The following GFPT1 variants were observed in gnomAD, a reference collection of about 807,000 sequenced individuals.
The protein encoded by GFPT1 is glutamine--fructose-6-phosphate transaminase 1.
A neutral mutation model predicts 92.0 loss-of-function variants in GFPT1; 40 were observed. That is an observed-to-expected ratio of 0.43 (90% CI 0.34 to 0.57). GFPT1 has a LOEUF of 0.57. Among genes scored for constraint, GFPT1 ranks in the 20% least tolerant of loss-of-function variants. GFPT1 has a pLI of 0.02. For missense variants in GFPT1, 448 were observed against 869.1 expected (o/e 0.52, Z 6.09); for synonymous variants, 269 against 280.6 (o/e 0.96, Z 0.41).
intron 2 of GFPT1, among the ~76,000 whole-genome samples, chr2:69,370,550 G>A (rs756523004): frequency 3.9e-5 from 6 of 152,186 alleles, no homozygotes; most frequent in East Asian, 1.9e-4. Context: ...GGAAAACACT[G>A]TCCTTTAAGC....
intron 18 of GFPT1, among the ~76,000 whole-genome samples, chr2:69,327,828 C>A (rs1448464704): frequency 6.6e-6 from 1 of 152,050 alleles, no homozygotes; most frequent in Non-Finnish European, 1.5e-5. Context: ...CTGGGCCAGG[C>A]GGGGTGGCTC....
chr2:69,370,465 A>G (rs1671719193), intron 2 of GFPT1, among the ~76,000 whole-genome samples: 1 of 152,242 alleles, frequency 6.6e-6, no homozygotes, highest in Admixed American at 6.5e-5. Context: ...CTAAGGAAAG[A>G]AGGTCACAGA....
chr2:69,371,218 G>A (rs1193426073), intron 2 of GFPT1: 1 of 150,512 alleles, frequency 6.6e-6, no homozygotes, highest in Non-Finnish European at 1.5e-5. Flanking sequence ...TGGGATCACA[G>A]GTGCACACCA....
chr2:69,349,898 C>A (rs1671166518), intron 10 of GFPT1, among the ~76,000 whole-genome samples, 180 bp downstream of exon 10: 1 of 152,196 alleles, frequency 6.6e-6, no homozygotes. Context: ...GACCCACATA[C>A]TTTGAAATGA....
chr2:69,328,217 T>C (rs1203925968), intron 18 of GFPT1, 54 bp downstream of exon 18: 11 of 1,312,262 alleles, frequency 8.4e-6, no homozygotes, highest in Non-Finnish European at 1.2e-5. Context: ...TCAAATAAGC[T>C]AGCGTAACTC....
chr2:69,323,177 T>C lies in GFPT1; in HGVS notation c.*3012A>G, dbSNP rs1360054965. On this transcript the variant is annotated 3_prime_UTR_variant, in exon 20 of 20. Transcript: ENST00000357308. ...TGATTCCAATGTAATAATCACTTAC[T>C]GGGCCACACGCTAGATGACAGACAT... The C allele has an allele frequency of 6.6e-6, 1 of 152,202 alleles. No individual in the cohort carries two copies. Among genetic ancestry groups the C allele is most frequent in the Non-Finnish European group, 1.5e-5 (1 of 68,024 alleles). The allele number at this position is 152,202 out of a possible 1,614,324, so 9.4% of individuals were successfully genotyped here.
At chr2:69,327,829 G>T (rs112723617) in intron 18 of GFPT1, among the ~76,000 whole-genome samples, 1,725 of 152,070 alleles carry the variant, frequency 0.011, 30 homozygotes, top group African/African-American at 0.039. Context: ...TGGGCCAGGC[G>T]GGGTGGCTCA....
Position 69,320,036 on chromosome 2 carries a change from T to C in GFPT1, c.*6153A>G, listed in dbSNP as rs997558248. The C allele has an allele frequency of 2.0e-5, 3 of 152,220 alleles. No homozygotes were observed. Among genetic ancestry groups the C allele is most frequent in the Non-Finnish European group, 4.4e-5 (3 of 68,044 alleles). The allele number at this position is 152,220 out of a possible 1,614,324, so 9.4% of individuals were successfully genotyped here. On this transcript the variant is annotated 3_prime_UTR_variant, in exon 20 of 20. Coordinates refer to ENST00000357308, the MANE Select transcript of GFPT1 (RefSeq NM_001244710.2). ...ATATCTTCCATCTCCTTATGGGCAT[T>C]ACTTGAAGATAACAATGGAGCAAGC...
chr2:69,345,027 C>A (rs1427649508), intron 12 of GFPT1, among the ~76,000 whole-genome samples: 3 of 152,084 alleles, frequency 2.0e-5, no homozygotes, highest in Non-Finnish European at 4.4e-5. Context: ...TCCATAAATA[C>A]CATAAAAGAA....
intron 3 of GFPT1, among the ~76,000 whole-genome samples, chr2:69,369,646 A>C (rs192105122): frequency 6.6e-6 from 1 of 152,348 alleles, no homozygotes; most frequent in East Asian, 1.9e-4. Flanking sequence ...ACAATTAGCA[A>C]GTGAAGACAT....
At chr2:69,340,871 C>T (rs1301579028) in intron 13 of GFPT1, among the ~76,000 whole-genome samples, 1 of 152,140 alleles carries the variant, frequency 6.6e-6, no homozygotes, top group Admixed American at 6.6e-5. Flanking sequence ...AGCGTTTAAT[C>T]AAATTTTCTA....
Position 69,358,317 on chromosome 2 carries a change from G to T in GFPT1, c.543+12C>A. The T allele has an allele frequency of 1.2e-6, 2 of 1,606,976 alleles. No homozygotes were observed. The highest frequency in any genetic ancestry group is 8.5e-7 in the Non-Finnish European group (1 of 1,173,786). On this transcript the variant is annotated intron_variant, in intron 6 of 19. Coordinates refer to ENST00000357308, the MANE Select transcript of GFPT1 (RefSeq NM_001244710.2). ...TGTTGGCATAATTATCTTTAAAAAT[G>T]TGGCTTAATACCAATTGTTGGATAA...
intron 3 of GFPT1, among the ~76,000 whole-genome samples, chr2:69,365,044 A>G (rs1671576267): frequency 6.8e-6 from 1 of 147,230 alleles, no homozygotes; most frequent in African/African-American, 2.5e-5. Context: ...CTTATTTTTC[A>G]TATAAGCTAT....
intron 5 of GFPT1, among the ~76,000 whole-genome samples, 162 bp from the exon 6 acceptor site, chr2:69,358,625 A>AG (rs1671399323): frequency 6.6e-6 from 1 of 152,258 alleles, no homozygotes. Context: ...AGTGACTCTA[A>AG]AACAGTGTGG....
intron 3 of GFPT1, 113 bp from the exon 4 acceptor site, chr2:69,363,783 C>A: frequency 1.2e-6 from 1 of 802,504 alleles, no homozygotes; most frequent in Non-Finnish European, 2.1e-6. Flanking sequence ...TATACAATCA[C>A]TGAAACTAAA....
chr2:69,349,901 T>C (rs1671166620), intron 10 of GFPT1, among the ~76,000 whole-genome samples, 177 bp downstream of exon 10: 1 of 152,236 alleles, frequency 6.6e-6, no homozygotes, highest in Admixed American at 6.5e-5. Context: ...CCACATACTT[T>C]GAAATGACAG....
intron 3 of GFPT1, among the ~76,000 whole-genome samples, chr2:69,366,041 T>G (rs1044900298): frequency 1.3e-5 from 2 of 151,820 alleles, no homozygotes; most frequent in African/African-American, 4.8e-5. Context: ...CTCGAACTCC[T>G]GACCTCAGGT....
chr2:69,365,696 C>T (rs1671594042), intron 3 of GFPT1, among the ~76,000 whole-genome samples: 1 of 152,172 alleles, frequency 6.6e-6, no homozygotes, highest in African/African-American at 2.4e-5. Flanking sequence ...CTATTCTTTC[C>T]TGGCTTAACT....
At chr2:69,367,643 G>T (rs953921100) in intron 3 of GFPT1, among the ~76,000 whole-genome samples, 1 of 152,178 alleles carries the variant, frequency 6.6e-6, no homozygotes, top group Non-Finnish European at 1.5e-5. Context: ...TTACAAGCGT[G>T]AGCCACCACG....
Sources: allele counts gnomAD v4.1 joint callset (sites outside exome capture counted in the v4.1 genomes callset), GRCh38; gene constraint gnomAD v4.1.1; transcripts MANE v1.5; gene names NCBI Gene and HGNC (gene_info 2026-07-23, HGNC 2026-07-21).